Variants in RGS5 observed in about 807,000 individuals in gnomAD.
RGS5 encodes the protein regulator of G-protein signalling 5.
Under a neutral mutation model 18.9 loss-of-function variants are expected in RGS5, and 20 were observed. The ratio of observed to expected loss-of-function variants is 1.06; its 90% CI spans 0.74 to 1.54. The LOEUF (loss-of-function observed/expected upper bound fraction) is 1.54, where lower values mean the gene tolerates loss of function less well. Among genes scored for constraint, RGS5 ranks in the 40% most tolerant of loss-of-function variants. The pLI is 0.00. For missense variants in RGS5, 201 were observed against 211.8 expected, an observed-to-expected ratio of 0.95 and a Z score of 0.32; for synonymous variants, 57 against 76.2, an observed-to-expected ratio of 0.75 and a Z score of 1.31.
At chr1:163,320,637 C>T (rs1263145915) in intron 1 of RGS5, among the ~76,000 whole-genome samples, 1 of 152,150 alleles carries the variant, frequency 6.6e-6, no homozygotes, top group Non-Finnish European at 1.5e-5. Context: ...CTTTTTTCTG[C>T]TTTCCTCACT....
chr1:163,176,337 G>A (rs1008928946), intron 1 of RGS5, among the ~76,000 whole-genome samples: 1 of 152,196 alleles, frequency 6.6e-6, no homozygotes, highest in African/African-American at 2.4e-5. Context: ...AAAAGCCTGT[G>A]CAGGCCGGGT....
At chr1:163,291,988 C>T (rs1408738574) in intron 2 of RGS5, among the ~76,000 whole-genome samples, 1 of 152,010 alleles carries the variant, frequency 6.6e-6, no homozygotes, top group East Asian at 1.9e-4. Context: ...CTTTTCAAGC[C>T]CAAATAGAAA....
intron 2 of RGS5, among the ~76,000 whole-genome samples, chr1:163,302,260 G>C (rs116287658): frequency 0.017 from 2,574 of 152,186 alleles, 34 homozygotes; most frequent in African/African-American, 0.024. Context: ...CAAGCATAAT[G>C]AGAGCATTTG....
chr1:163,193,528 T>A (rs1279651605), intron 1 of RGS5, among the ~76,000 whole-genome samples: 1 of 152,124 alleles, frequency 6.6e-6, no homozygotes, highest in African/African-American at 2.4e-5. Flanking sequence ...CGCACATGGA[T>A]TAGCTGTGTT....
intron 1 of RGS5, among the ~76,000 whole-genome samples, chr1:163,182,579 C>T (rs1181474470): frequency 6.6e-6 from 1 of 152,178 alleles, no homozygotes. Context: ...ACCAACAAGA[C>T]AGAAACAGTT....
At chr1:163,244,033 A>G (rs1647868675) in intron 2 of RGS5, among the ~76,000 whole-genome samples, 1 of 152,226 alleles carries the variant, frequency 6.6e-6, no homozygotes, top group East Asian at 1.9e-4. Context: ...ACCTATGAGA[A>G]GGATTTAGTA....
chr1:163,254,409 G>A (rs1400176834), intron 2 of RGS5, among the ~76,000 whole-genome samples: 2 of 152,158 alleles, frequency 1.3e-5, no homozygotes, highest in Non-Finnish European at 2.9e-5. Flanking sequence ...CAGAGATGGT[G>A]AGCATTTTTT....
chr1:163,270,196 C>G (rs1648681594), intron 2 of RGS5, among the ~76,000 whole-genome samples: 1 of 151,942 alleles, frequency 6.6e-6, no homozygotes, highest in Admixed American at 6.6e-5. Flanking sequence ...ATTCTTGACA[C>G]AGTTCTTTTT....
At chr1:163,177,789 T>C (rs1658622080) in intron 1 of RGS5, among the ~76,000 whole-genome samples, 1 of 152,228 alleles carries the variant, frequency 6.6e-6, no homozygotes, top group Admixed American at 6.5e-5. Context: ...AATGCATATA[T>C]TCCTCCACAT....
intron 2 of RGS5, among the ~76,000 whole-genome samples, chr1:163,274,850 G>T (rs2999861): frequency 3.3e-5 from 5 of 152,136 alleles, no homozygotes; most frequent in Non-Finnish European, 7.3e-5. Flanking sequence ...TACAAGGTGG[G>T]TCACACTTGT....
At chr1:163,248,807 G>A (rs1325379991) in intron 2 of RGS5, 2 of 152,160 alleles carry the variant, frequency 1.3e-5, no homozygotes, top group African/African-American at 2.4e-5. Context: ...ATTGTGATTG[G>A]AGTTGACCTA....
At chr1:163,204,764 A>G (rs2101664893), upstream of RGS5, among the ~76,000 whole-genome samples, 1 of 152,316 alleles carries the variant, frequency 6.6e-6, no homozygotes, top group South Asian at 2.1e-4. Context: ...TGACTATTAA[A>G]TCTAATAAAG....
intron 2 of RGS5, among the ~76,000 whole-genome samples, chr1:163,274,720 A>G (rs1044707386): frequency 6.6e-6 from 1 of 152,158 alleles, no homozygotes; most frequent in Non-Finnish European, 1.5e-5. Context: ...ATAGTGTCCA[A>G]ATTGAATTGA....
At chr1:163,182,705 C>T (rs1658905206) in intron 1 of RGS5, among the ~76,000 whole-genome samples, 1 of 152,150 alleles carries the variant, frequency 6.6e-6, no homozygotes, top group African/African-American at 2.4e-5. Flanking sequence ...AAATTGTCCT[C>T]AGGTCAAGGA....
At position 163,172,751 on chromosome 1, in the gene RGS5, A is replaced by G. The variant is rs187086864; in HGVS notation, c.45-4383T>C. The stretch of plus-strand genomic sequence containing the variant: ...AAATTTAATTAGGAGTTCATTGTTC[A>G]GGGAATGACTAATGTTATTGCATTT... On this transcript the variant is annotated intron_variant, in intron 1 of 4. Coordinates refer to ENST00000313961, the MANE Select transcript of RGS5 (RefSeq NM_003617.4). Among the ~76,000 whole-genome samples, 78 of 152,320 alleles carry G rather than the reference A, an allele frequency of 5.1e-4. No homozygotes were observed. The East Asian group carries it at 0.013, about 24-fold the overall frequency.
At chr1:163,218,973 G>C (rs1660276206), upstream of RGS5, among the ~76,000 whole-genome samples, 1 of 152,180 alleles carries the variant, frequency 6.6e-6, no homozygotes, top group Non-Finnish European at 1.5e-5. Context: ...AGAGGGATGG[G>C]CTGGAGTCAA....
At chr1:163,173,844 G>A (rs1194465773) in intron 1 of RGS5, among the ~76,000 whole-genome samples, 2 of 152,158 alleles carry the variant, frequency 1.3e-5, no homozygotes, top group Non-Finnish European at 2.9e-5. Context: ...AGGAGGCCGA[G>A]GTGGGTGGAT....
At chr1:163,316,672 T>G (rs1453481429) in intron 1 of RGS5, among the ~76,000 whole-genome samples, 1 of 152,224 alleles carries the variant, frequency 6.6e-6, no homozygotes, top group African/African-American at 2.4e-5. Flanking sequence ...GAATATTGCT[T>G]TCGGTATTAA....
At chr1:163,165,234 C>G (rs370112951) in intron 2 of RGS5, among the ~76,000 whole-genome samples, 205 of 152,296 alleles carry the variant, frequency 1.3e-3, no homozygotes, top group African/African-American at 4.8e-3. Flanking sequence ...TTTCCACTAG[C>G]ACAGGCTAGG....
Sources: gnomAD v4.1 joint callset for allele counts (sites outside exome capture counted in the v4.1 genomes callset) on GRCh38, gnomAD v4.1.1 for gene constraint, MANE v1.5 for transcripts, NCBI Gene and HGNC (gene_info 2026-07-23, HGNC 2026-07-21) for gene names.